POLG2: variants seen among roughly 807,000 people sequenced by gnomAD.
POLG2 encodes the protein DNA polymerase subunit gamma-2.
In POLG2, 50 loss-of-function variants were observed where a neutral mutation model predicts 56.5. That is an observed-to-expected ratio of 0.88 (90% CI 0.71 to 1.12). POLG2 has a LOEUF of 1.12. POLG2 is among the 50% of genes most tolerant of loss of function. POLG2 has a pLI of 0.00. For missense variants in POLG2, 584 were observed against 583.3 expected, an observed-to-expected ratio of 1.00 and a Z score of -0.01; for synonymous variants, 226 against 222.6, an observed-to-expected ratio of 1.02 and a Z score of -0.14.
intron 7 of POLG2, among the ~76,000 whole-genome samples, 167 bp from the exon 8 acceptor site, chr17:64,478,155 A>C (rs1191476405): frequency 6.6e-6 from 1 of 152,242 alleles, no homozygotes; most frequent in African/African-American, 2.4e-5. Context: ...AATTGTATTT[A>C]AAGTAATATT....
At chr17:64,493,073 C>G in intron 1 of POLG2, 52 bp from the exon 2 acceptor site, 1 of 1,591,056 alleles carries the variant, frequency 6.3e-7, no homozygotes, top group Non-Finnish European at 8.6e-7. Flanking sequence ...AAACCCAAAT[C>G]ATTTTTGTCA....
chr17:64,497,052 G>A lies in POLG2; in HGVS notation c.-84C>T. On this transcript the variant is annotated 5_prime_UTR_variant, in exon 1 of 8. Transcript: ENST00000539111. ...CACTACCGTTAACAGAATCCGGAGA[G>A]GCCACGGCGCAGGCGCAACGGAGGT... is the stretch of plus-strand genomic sequence containing the variant. 1 of 1,387,046 alleles carries A rather than the reference G, an allele frequency of 7.2e-7. No individual in the cohort carries two copies. The highest frequency in any genetic ancestry group is 1.2e-5 in the South Asian group (1 of 85,438). The allele number at this position is 1,387,046 out of a possible 1,614,324, so 85.9% of individuals were successfully genotyped here.
intron 6 of POLG2, among the ~76,000 whole-genome samples, chr17:64,481,711 A>T (rs538188950): frequency 6.6e-6 from 1 of 152,084 alleles, no homozygotes; most frequent in Admixed American, 6.5e-5. Flanking sequence ...TGTCTCTACT[A>T]AAAATACTAA....
intron 4 of POLG2, among the ~76,000 whole-genome samples, chr17:64,489,931 G>GTTT (rs782470895): frequency 1.4e-5 from 2 of 143,442 alleles, no homozygotes; most frequent in Non-Finnish European, 1.5e-5. Context: ...TAATTTTTTT[G>GTTT]TTTTTTTTTT....
At chr17:64,481,612 C>T (rs2037856627) in intron 6 of POLG2, among the ~76,000 whole-genome samples, 1 of 152,178 alleles carries the variant, frequency 6.6e-6, no homozygotes, top group African/African-American at 2.4e-5. Flanking sequence ...GTGGCTCACG[C>T]CTGTAATCCC....
At chr17:64,496,070 A>G (rs2038145674) in intron 1 of POLG2, among the ~76,000 whole-genome samples, 1 of 152,244 alleles carries the variant, frequency 6.6e-6, no homozygotes, top group Non-Finnish European at 1.5e-5. Context: ...ATTTTTACTT[A>G]GAATAAATCT....
chr17:64,488,227 T>C (rs1349068481), intron 4 of POLG2, among the ~76,000 whole-genome samples: 1 of 149,340 alleles, frequency 6.7e-6, no homozygotes, highest in African/African-American at 2.5e-5. Flanking sequence ...AAGAAAGAAA[T>C]GGCCTCAGAA....
rs782193946 is a variant in POLG2, at chr17:64,480,289, T to C, written c.1292A>G (p.Lys431Arg). The C allele has an allele frequency of 3.4e-6, 5 of 1,459,892 alleles. No homozygotes were observed. Among genetic ancestry groups the C allele is most frequent in the Admixed American group, 1.7e-5 (1 of 58,220 alleles). The allele number at this position is 1,459,892 out of a possible 1,614,324, so 90.4% of individuals were successfully genotyped here. A position where few individuals can be genotyped will look rare whatever the true frequency, so the allele number is the denominator to read the frequency against. The change falls in exon 7 of 8, where the codon AAG (lysine) becomes AGG (arginine). Residue 431 changes from lysine to arginine, a missense_variant and splice_region_variant. Physicochemically the swap from Lys to Arg is conservative, Grantham distance 26. Transcript: ENST00000539111. Reference sequence around the variant, plus strand: ...TCTTTAATGAAAATACAATTCTTACTTCGAATAAAGTTGTTCCAATGAGGA... The same window carrying C: ...TCTTTAATGAAAATACAATTCTTACCTCGAATAAAGTTGTTCCAATGAGGA... ...MQSSLEQLYS[K>R]YDEMSILFTV...
chr17:64,490,612 T>C (rs2038041186), intron 4 of POLG2, 184 bp downstream of exon 4: 5 of 614,948 alleles, frequency 8.1e-6, no homozygotes, highest in Non-Finnish European at 1.2e-5. Flanking sequence ...GTGGCAATAG[T>C]GGATTACTGT....
rs781906121 is a variant in POLG2 at position 64,484,690 on chromosome 17, G to T, written c.1110+1038C>A. On this transcript the variant is annotated intron_variant, in intron 5 of 7. Transcript: ENST00000539111. ...GTTTGGAAGTGGAGTGTAAGAAAAA[G>T]AAAGGATTCCTTTTTTTGTTAGCTA... Among the ~76,000 whole-genome samples the T allele has an allele frequency of 7.9e-5, 12 of 152,258 alleles. 1 individual carries two copies. The South Asian group carries it at 1.2e-3, about 16-fold the overall frequency.
In POLG2 at chr17:64,485,782, A is replaced by T. The variant is rs897170926; in HGVS notation, c.1056T>A (p.Asp352Glu). 3 of 1,612,886 alleles carry T rather than the reference A, an allele frequency of 1.9e-6. No homozygotes were observed. Among genetic ancestry groups the T allele is most frequent in the African/African-American group, 1.3e-5 (1 of 74,918 alleles). ...LDRGMLAYLY[D>E]SFQLTENSFT... is the part of the protein sequence containing the mutation. ...AGGAGTTCTCTGTCAGCTGGAAAGAATCATAGAGGTAGGCCAGCATGCCTC... is the reference window on the plus strand; with the variant it reads ...AGGAGTTCTCTGTCAGCTGGAAAGATTCATAGAGGTAGGCCAGCATGCCTC... The change falls in exon 5 of 8, where the codon GAT (aspartate) becomes GAA (glutamate). Residue 352 changes from aspartate (D) to glutamate (E), a missense_variant. Transcript: ENST00000539111.
chr17:64,478,644 T>C (rs1248963023), intron 7 of POLG2, among the ~76,000 whole-genome samples: 1 of 152,184 alleles, frequency 6.6e-6, no homozygotes, highest in Non-Finnish European at 1.5e-5. Flanking sequence ...ATGCCTGTAA[T>C]CCCAGCACTT....
intron 4 of POLG2, among the ~76,000 whole-genome samples, chr17:64,489,988 G>T (rs1040852032): frequency 6.6e-6 from 1 of 151,526 alleles, no homozygotes; most frequent in Non-Finnish European, 1.5e-5. Flanking sequence ...GCAGTGGCAC[G>T]ATCTTGGCTC....
chr17:64,487,392 T>TCCCAGCACATCGGGAGGC, intron 4 of POLG2: 3 of 152,222 alleles, frequency 2.0e-5, no homozygotes, highest in Middle Eastern at 6.8e-3. Context: ...GGTGGACGAA[T>TCCCAGCACATCGGGAGGC]CACTTGAGTT....
chr17:64,485,916 T>C (rs782051418), intron 4 of POLG2, 48 bp from the exon 5 acceptor site: 1 of 1,596,662 alleles, frequency 6.3e-7, no homozygotes, highest in East Asian at 2.2e-5. Flanking sequence ...GAACTTTTTT[T>C]GTTTGTTTGT....
chr17:64,483,341 T>C (rs2037894648), intron 5 of POLG2, among the ~76,000 whole-genome samples: 1 of 151,638 alleles, frequency 6.6e-6, no homozygotes, highest in Non-Finnish European at 1.5e-5. Context: ...CGGTGAAAAC[T>C]TCTCTCTACC....
In POLG2 at chr17:64,496,295, A is replaced by G. The variant is rs3744409; in HGVS notation, c.562+112T>C. ...GACTACTTCAAAAAGATGAGAACTA[A>G]CTAACTTCCTTGCATGGGAATACAG... On this transcript the variant is annotated intron_variant, in intron 1 of 7. Transcript: ENST00000539111. 0.15 allele frequency: 108,304 copies of G among 713,100 alleles called. 18,625 individuals carry two copies. Among genetic ancestry groups the G allele is most frequent in the African/African-American group, 0.7 (39,612 of 56,226 alleles). 44.2% of individuals were successfully genotyped at this position (713,100 alleles called of 1,614,324 possible). A position where few individuals can be genotyped will look rare whatever the true frequency, so the allele number is the denominator to read the frequency against.
At chr17:64,494,990 GGTGAAACCCC>G (rs2038125937) in intron 1 of POLG2, among the ~76,000 whole-genome samples, 1 of 151,460 alleles carries the variant, frequency 6.6e-6, no homozygotes, top group South Asian at 2.1e-4. Flanking sequence ...TGGCTAACAA[GGTGAAACCCC>G]GTCTCTACTA....
intron 5 of POLG2, chr17:64,484,066 C>T (rs2037910479): frequency 6.6e-6 from 1 of 152,178 alleles, no homozygotes; most frequent in African/African-American, 2.4e-5. Context: ...GCCTCTGATA[C>T]CAGGAACAGT....
Sources: gnomAD v4.1 joint callset for allele counts (sites outside exome capture counted in the v4.1 genomes callset) on GRCh38, gnomAD v4.1.1 for gene constraint, MANE v1.5 for transcripts, NCBI Gene and HGNC (gene_info 2026-07-23, HGNC 2026-07-21) for gene names.